The following NCAPD2 variants were observed in gnomAD, a reference collection of about 807,000 sequenced individuals.
NCAPD2 encodes the protein non-SMC condensin I complex subunit D2, also known as condensin complex subunit 1.
A neutral mutation model predicts 164.5 loss-of-function variants in NCAPD2; 100 were observed. The observed-to-expected ratio is 0.61, with a 90% CI of 0.52 to 0.72. The LOEUF is 0.72. Ranked by LOEUF, NCAPD2 falls within the 30% of genes least tolerant of loss-of-function variation. NCAPD2 has a pLI of 0.00. For synonymous variants in NCAPD2, 585 were observed against 642.6 expected (o/e 0.91, Z 1.36); for missense variants, 1,560 against 1,749.2 (o/e 0.89, Z 1.93).
chr12:6,501,554 A>G (rs562611969), intron 2 of NCAPD2, among the ~76,000 whole-genome samples: 8 of 152,294 alleles, frequency 5.3e-5, no homozygotes, highest in South Asian at 4.1e-4. Flanking sequence ...GGGGTAGCAT[A>G]TGGGAGGGAG....
At chr12:6,513,492 G>A (rs1946169894) in intron 6 of NCAPD2, among the ~76,000 whole-genome samples, 1 of 152,098 alleles carries the variant, frequency 6.6e-6, no homozygotes, top group Non-Finnish European at 1.5e-5. Flanking sequence ...TCCAGCCTGG[G>A]CAACAGAGGC....
Position 6,529,495 on chromosome 12 carries a change from C to T in NCAPD2, c.3573-18C>T, listed in dbSNP as rs763047611. On this transcript the variant is annotated intron_variant, in intron 27 of 31. Transcript: ENST00000315579. ...CTGGCCCTGGGCCATCGAACATCCT[C>T]ATCTCCCCTTCCTGCAGACAGCTCC... is the stretch of plus-strand genomic sequence containing the variant. The T allele has an allele frequency of 6.2e-7, 1 of 1,611,292 alleles. No homozygotes were observed.
chr12:6,523,878 G>A (rs150609309), intron 17 of NCAPD2, among the ~76,000 whole-genome samples: 294 of 152,314 alleles, frequency 1.9e-3, no homozygotes, highest in African/African-American at 6.7e-3. Context: ...AGAATGAGTT[G>A]TACGGGTAAT....
rs1201891353 is a variant in NCAPD2, at chr12:6,517,897, T to C, written c.1527T>C (p.Asn509=). ...AGGAGATTCCTGAGCAAATTGCCAA[T>C]ACAGAGACAACTGAAGATGTGAAAG... is the stretch of plus-strand genomic sequence containing the variant. ...GEEEIPEQIA[N]TETTEDVKGR... The change falls in exon 13 of 32, where the codon AAT becomes AAC. Residue 509 remains asparagine (N), a synonymous_variant. Transcript: ENST00000315579. 6.2e-7 allele frequency: 1 copy of C among 1,614,024 alleles called. No individual in the cohort carries two copies. The highest frequency in any genetic ancestry group is 8.5e-7 in the Non-Finnish European group (1 of 1,180,046).
rs1029724479 is a variant in NCAPD2 at position 6,528,600 on chromosome 12, C to A, written c.3300-79C>A. On this transcript the variant is annotated intron_variant, in intron 25 of 31. Transcript: ENST00000315579. The surrounding 1 kb of genome is among the most constrained non-coding windows in gnomAD (Gnocchi z 5.1). ...GTGGCAGAGCATGGGATAATTGATT[C>A]CTGCTGAGGGCCTTTTCTACCAGTG... 5.5e-6 allele frequency: 8 copies of A among 1,467,806 alleles called. No homozygotes were observed. Among genetic ancestry groups the A allele is most frequent in the Non-Finnish European group, 6.5e-6 (7 of 1,074,236 alleles). The allele number at this position is 1,467,806 out of a possible 1,614,324, so 90.9% of individuals were successfully genotyped here. A position where few individuals can be genotyped will look rare whatever the true frequency, so the allele number is the denominator to read the frequency against.
chr12:6,523,232 A>T, intron 16 of NCAPD2, 30 bp from the exon 17 acceptor site: 1 of 1,601,168 alleles, frequency 6.2e-7, no homozygotes, highest in Non-Finnish European at 8.6e-7. Flanking sequence ...CCAATCTTAT[A>T]GTGACCGCTG....
At chr12:6,529,669 C>G in intron 28 of NCAPD2, 76 bp downstream of exon 28, 1 of 1,601,342 alleles carries the variant, frequency 6.2e-7, no homozygotes, top group Non-Finnish European at 8.6e-7. Flanking sequence ...CTCACCCCTT[C>G]AATGCCCCCA....
chr12:6,505,134 C>T (rs898584029), intron 2 of NCAPD2, among the ~76,000 whole-genome samples: 5 of 152,140 alleles, frequency 3.3e-5, no homozygotes, highest in Non-Finnish European at 5.9e-5. Context: ...GGCATGATCT[C>T]GACTCACTGG....
At chr12:6,504,388 T>A (rs921821532) in intron 2 of NCAPD2, among the ~76,000 whole-genome samples, 18 of 151,452 alleles carry the variant, frequency 1.2e-4, no homozygotes, top group African/African-American at 4.1e-4. Flanking sequence ...ATAACAGTTT[T>A]TTTATTTTGT....
intron 9 of NCAPD2, 34 bp downstream of exon 9, chr12:6,514,954 C>G (rs1946185120): frequency 6.2e-7 from 1 of 1,612,216 alleles, no homozygotes. Flanking sequence ...TGAGCTTTTT[C>G]TGGGGATTTT....
Position 6,510,794 on chromosome 12 carries a change from T to C in NCAPD2, c.428T>C (p.Leu143Pro). The C allele has an allele frequency of 6.2e-7, 1 of 1,614,088 alleles. No individual in the cohort carries two copies. Among genetic ancestry groups the C allele is most frequent in the Non-Finnish European group, 8.5e-7 (1 of 1,179,992 alleles). Residue 143 changes from leucine (L) to proline (P), a missense_variant, in exon 5 of 32, where the codon CTG becomes CCG. Leu to Pro is a moderately conservative substitution (Grantham distance 98). Transcript: ENST00000315579. ...TMASQTNLVDLDLGGKGKKAR... is the reference protein window; with the variant it reads ...TMASQTNLVDPDLGGKGKKAR... Reference sequence around the variant, plus strand: ...GCCAGCCAGACAAACCTTGTGGACCTGGACCTTGGTGGGAAGGTAATTTGG... The same window carrying C: ...GCCAGCCAGACAAACCTTGTGGACCCGGACCTTGGTGGGAAGGTAATTTGG...
chr12:6,511,395 C>T, intron 6 of NCAPD2, 143 bp downstream of exon 6: 1 of 992,300 alleles, frequency 1.0e-6, no homozygotes, highest in African/African-American at 1.7e-5. Context: ...CGCAGTGGTT[C>T]AATCTCGGCT....
intron 15 of NCAPD2, 53 bp from the exon 16 acceptor site, chr12:6,522,775 T>G: frequency 6.3e-7 from 1 of 1,587,536 alleles, no homozygotes; most frequent in Non-Finnish European, 8.6e-7. Context: ...TGTCGTTAGG[T>G]ATTGGGGGAG....
chr12:6,514,727 A>C, intron 8 of NCAPD2, 46 bp from the exon 9 acceptor site: 1 of 1,610,788 alleles, frequency 6.2e-7, no homozygotes, highest in Non-Finnish European at 8.5e-7. Flanking sequence ...CTGGGAACTG[A>C]ATAATTGATC....
chr12:6,526,851 A>C (rs747420384), intron 21 of NCAPD2, 40 bp from the exon 22 acceptor site: 2 of 1,570,448 alleles, frequency 1.3e-6, no homozygotes, highest in African/African-American at 1.4e-5. Context: ...GGGACTTAAA[A>C]ATGTCTCTTT....
At chr12:6,502,425 TG>T (rs1304797124) in intron 2 of NCAPD2, among the ~76,000 whole-genome samples, 1 of 152,144 alleles carries the variant, frequency 6.6e-6, no homozygotes, top group Non-Finnish European at 1.5e-5. Flanking sequence ...CGAATAGACT[TG>T]GGAGTACGAA....
chr12:6,521,484 T>G (rs975107041), intron 14 of NCAPD2, among the ~76,000 whole-genome samples: 1 of 151,898 alleles, frequency 6.6e-6, no homozygotes, highest in Non-Finnish European at 1.5e-5. Context: ...GAGTTGAAAA[T>G]CAGCCTGAGC....
intron 6 of NCAPD2, among the ~76,000 whole-genome samples, chr12:6,513,861 G>A (rs1029396280): frequency 2.0e-5 from 3 of 151,178 alleles, no homozygotes; most frequent in Admixed American, 6.6e-5. Flanking sequence ...GATTACAGGC[G>A]CCCACCACCA....
chr12:6,525,066 G>C (rs922869479), intron 17 of NCAPD2, among the ~76,000 whole-genome samples: 2 of 152,190 alleles, frequency 1.3e-5, no homozygotes, highest in Admixed American at 6.5e-5. Context: ...TGCTGCAGTG[G>C]GCAGTAACGA....
Sources: gnomAD v4.1 joint callset for allele counts (sites outside exome capture counted in the v4.1 genomes callset) on GRCh38, gnomAD v4.1.1 for gene constraint, Gnocchi (gnomAD v3.1) non-coding constraint, MANE v1.5 for transcripts, NCBI Gene and HGNC (gene_info 2026-07-23, HGNC 2026-07-21) for gene names.